Variants in RIC1 observed in about 807,000 individuals in gnomAD.
RIC1 encodes the protein RIC1 partner of RAB6A GEF complex.
In RIC1, 88 loss-of-function variants were observed where a neutral mutation model predicts 169.0. The observed-to-expected ratio is 0.52, with a 90% CI of 0.44 to 0.62. The LOEUF is 0.62. Among genes scored for constraint, RIC1 ranks in the 20% least tolerant of loss-of-function variants. The pLI, the probability that RIC1 is intolerant of heterozygous loss-of-function variation, is 0.00. For synonymous variants in RIC1, 790 were observed against 601.5 expected (o/e 1.31, Z -4.59); for missense variants, 1,877 against 1,725.5 (o/e 1.09, Z -1.56).
chr9:5,651,778 G>A (rs956763729), intron 1 of RIC1, among the ~76,000 whole-genome samples: 1 of 151,990 alleles, frequency 6.6e-6, no homozygotes, highest in Non-Finnish European at 1.5e-5. Context: ...ATGTTGGCCA[G>A]GTTGGTCTCG....
rs1009294864 is a variant in RIC1, at chr9:5,680,975, C to T, written c.253-8984C>T. ...CCGAGTAGCTGGGACTACAGGCGCC[C>T]GCTACCACGCCCGGCTAATTTTTTG... On this transcript the variant is annotated intron_variant, in intron 2 of 25. Coordinates refer to ENST00000414202, the MANE Select transcript of RIC1 (RefSeq NM_020829.4). Among the ~76,000 whole-genome samples, 607 of 150,142 alleles carry T rather than the reference C, an allele frequency of 4.0e-3. 2 individuals carry two copies. Among genetic ancestry groups the T allele is most frequent in the African/African-American group, 0.014 (573 of 40,950 alleles).
intron 2 of RIC1, among the ~76,000 whole-genome samples, chr9:5,674,605 A>C (rs947810445): frequency 2.0e-5 from 3 of 152,200 alleles, no homozygotes; most frequent in African/African-American, 7.2e-5. Context: ...CTACAGATAA[A>C]AGGTTAGGTT....
chr9:5,640,813 T>C (rs2130308108), intron 1 of RIC1, among the ~76,000 whole-genome samples: 1 of 152,344 alleles, frequency 6.6e-6, no homozygotes, highest in East Asian at 1.9e-4. Context: ...ATTTTTTGTC[T>C]GTGAAGGTCT....
intron 2 of RIC1, among the ~76,000 whole-genome samples, chr9:5,679,487 C>T (rs956881745): frequency 3.3e-5 from 5 of 152,192 alleles, no homozygotes; most frequent in African/African-American, 9.7e-5. Flanking sequence ...GAAAGTTCTT[C>T]CATTTGTTTG....
chr9:5,703,300 T>C (rs1207254832), intron 3 of RIC1, among the ~76,000 whole-genome samples: 1 of 152,238 alleles, frequency 6.6e-6, no homozygotes, highest in Non-Finnish European at 1.5e-5. Context: ...CGTGCAGATC[T>C]GAAACACAGT....
At chr9:5,684,978 G>A (rs1029871957) in intron 2 of RIC1, among the ~76,000 whole-genome samples, 1 of 150,802 alleles carries the variant, frequency 6.6e-6, no homozygotes, top group Non-Finnish European at 1.5e-5. Context: ...ATTTAATTTT[G>A]TTAAACCCCA....
intron 1 of RIC1, among the ~76,000 whole-genome samples, chr9:5,640,744 T>C (rs920888750): frequency 6.6e-6 from 1 of 152,220 alleles, no homozygotes; most frequent in Non-Finnish European, 1.5e-5. Flanking sequence ...TCTTTCAGAT[T>C]GAACAACTCC....
chr9:5,696,747 A>AT (rs1586966932), intron 3 of RIC1, among the ~76,000 whole-genome samples: 1 of 152,222 alleles, frequency 6.6e-6, no homozygotes, highest in Non-Finnish European at 1.5e-5. Context: ...TTGCTGGGTC[A>AT]TATCACATGT....
chr9:5,742,508 GT>G (rs1210164132), intron 8 of RIC1, among the ~76,000 whole-genome samples: 2 of 151,726 alleles, frequency 1.3e-5, no homozygotes, highest in African/African-American at 2.4e-5. Flanking sequence ...GCCTGCATAT[GT>G]TTTTTTCTAA....
At position 5,753,608 on chromosome 9, in the gene RIC1, C is replaced by T. The variant is rs770624394; in HGVS notation, c.1564C>T (p.Leu522Phe). ...GTTTGGTTTTGCACATTACTCTTTA[C>T]TCACCAAAAAATGGAAACTTTTTGG... is the stretch of plus-strand genomic sequence containing the variant. ...GKFGFAHYSLLTKKWKLFGNI... is the reference protein window; with the variant it reads ...GKFGFAHYSLFTKKWKLFGNI... The change falls in exon 14 of 26, where the codon CTC becomes TTC. Residue 522 changes from leucine to phenylalanine, a missense_variant. Coordinates refer to ENST00000414202, the MANE Select transcript of RIC1 (RefSeq NM_020829.4). 17 of 1,609,246 alleles carry T rather than the reference C, an allele frequency of 1.1e-5. No individual in the cohort carries two copies. Among genetic ancestry groups the T allele is most frequent in the African/African-American group, 1.3e-5 (1 of 74,556 alleles).
chr9:5,761,182 T>G (rs1826314006), intron 17 of RIC1, among the ~76,000 whole-genome samples: 1 of 148,478 alleles, frequency 6.7e-6, no homozygotes, highest in Non-Finnish European at 1.5e-5. Flanking sequence ...GGTGCAATCT[T>G]GGCTCACTGC....
Position 5,776,036 on chromosome 9 carries a change from C to T in RIC1, c.*1790C>T, listed in dbSNP as rs1168092657. On this transcript the variant is annotated 3_prime_UTR_variant, in exon 26 of 26. Coordinates refer to ENST00000414202, the MANE Select transcript of RIC1 (RefSeq NM_020829.4). The stretch of plus-strand genomic sequence containing the variant: ...TTTGTGTTTGGTGTGAATATTCAGT[C>T]AATAAAAATGATTTACCATTATAAA... The T allele has an allele frequency of 1.3e-5, 2 of 152,058 alleles. No individual in the cohort carries two copies. Among genetic ancestry groups the T allele is most frequent in the African/African-American group, 2.4e-5 (1 of 41,412 alleles). The allele number at this position is 152,058 out of a possible 1,614,324, so 9.4% of individuals were successfully genotyped here. A position where few individuals can be genotyped will look rare whatever the true frequency, so the allele number is the denominator to read the frequency against.
At chr9:5,740,479 A>G (rs1825012700) in intron 8 of RIC1, among the ~76,000 whole-genome samples, 1 of 151,946 alleles carries the variant, frequency 6.6e-6, no homozygotes, top group Non-Finnish European at 1.5e-5. Context: ...ATATTTATAA[A>G]GGGGAGTTTA....
intron 2 of RIC1, among the ~76,000 whole-genome samples, chr9:5,671,424 C>T (rs965694357): frequency 1.3e-4 from 19 of 151,972 alleles, no homozygotes; most frequent in African/African-American, 4.4e-4. Context: ...TACAGGTGCT[C>T]GCCACCAGGC....
At chr9:5,683,839 G>C (rs1258950241) in intron 2 of RIC1, among the ~76,000 whole-genome samples, 1 of 152,216 alleles carries the variant, frequency 6.6e-6, no homozygotes, top group Non-Finnish European at 1.5e-5. Flanking sequence ...CAAGCCTCGG[G>C]AATGGCGGGC....
chr9:5,664,614 T>C (rs987430025), intron 2 of RIC1, among the ~76,000 whole-genome samples: 1 of 152,164 alleles, frequency 6.6e-6, no homozygotes, highest in Non-Finnish European at 1.5e-5. Flanking sequence ...TCAGGGAATA[T>C]CTTACTGAGG....
At chr9:5,734,648 C>G (rs1399899816) in intron 7 of RIC1, among the ~76,000 whole-genome samples, 2 of 152,190 alleles carry the variant, frequency 1.3e-5, no homozygotes, top group Non-Finnish European at 2.9e-5. Flanking sequence ...ACAACTGGAT[C>G]AGTAAATAGA....
At chr9:5,776,733 G>C (rs1321133061), downstream of RIC1, among the ~76,000 whole-genome samples, 1 of 151,822 alleles carries the variant, frequency 6.6e-6, no homozygotes, top group African/African-American at 2.4e-5. Context: ...CTAGATGCCT[G>C]ACAGTAAAAT....
At chr9:5,683,250 C>G (rs1039494321) in intron 2 of RIC1, among the ~76,000 whole-genome samples, 1 of 152,288 alleles carries the variant, frequency 6.6e-6, no homozygotes, top group East Asian at 1.9e-4. Context: ...GGTTTTTCTG[C>G]TCTGTTTTTT....
Sources: allele counts gnomAD v4.1 joint callset (sites outside exome capture counted in the v4.1 genomes callset), GRCh38; gene constraint gnomAD v4.1.1; transcripts MANE v1.5; gene names NCBI Gene and HGNC (gene_info 2026-07-23, HGNC 2026-07-21).